The following GFRA1 variants were observed in gnomAD, a reference collection of about 807,000 sequenced individuals.
GFRA1 encodes GDNF family receptor alpha 1.
In GFRA1, 16 loss-of-function variants were observed where a neutral mutation model predicts 51.6. The ratio of observed to expected loss-of-function variants is 0.31; its 90% confidence interval spans 0.21 to 0.47. GFRA1 has a LOEUF of 0.47. Among genes scored for constraint, GFRA1 ranks in the 20% least tolerant of loss-of-function variants. The pLI, the probability that GFRA1 is intolerant of heterozygous loss-of-function variation, is 1.00. For missense variants in GFRA1, 530 were observed against 594.3 expected (o/e 0.89, Z 1.13); for synonymous variants, 270 against 241.3 (o/e 1.12, Z -1.10).
At chr10:116,195,929 A>G (rs1385850520) in intron 5 of GFRA1, among the ~76,000 whole-genome samples, 1 of 152,198 alleles carries the variant, frequency 6.6e-6, no homozygotes, top group East Asian at 1.9e-4. Context: ...AGATGAAGAC[A>G]ACAAATCCTA....
intron 7 of GFRA1, among the ~76,000 whole-genome samples, chr10:116,094,076 T>C (rs539812968): frequency 1.3e-5 from 2 of 152,322 alleles, no homozygotes; most frequent in South Asian, 2.1e-4. Context: ...ACTTAGGGTA[T>C]TCCTTCCTGC....
chr10:116,196,468 G>A (rs181464808), intron 5 of GFRA1, among the ~76,000 whole-genome samples: 273 of 145,786 alleles, frequency 1.9e-3, no homozygotes, highest in African/African-American at 6.5e-3. Context: ...CAGCCAGGGT[G>A]ATGGTGCGAG....
intron 4 of GFRA1, among the ~76,000 whole-genome samples, chr10:116,220,685 G>A (rs538782007): frequency 6.6e-6 from 1 of 152,262 alleles, no homozygotes; most frequent in South Asian, 2.1e-4. Context: ...GAGGAGCTTT[G>A]ATGATGTAAT....
chr10:116,082,480 T>G lies in GFRA1; in HGVS notation c.1197+7261A>C, dbSNP rs201067405. ...CCGCCCCTTGCTTTTGTTTTTTTTG[T>G]TTTTTTTTTGAGACGGACTTTTGCT... On this transcript the variant is annotated intron_variant, in intron 9 of 10. Coordinates refer to ENST00000355422, the MANE Select transcript of GFRA1 (RefSeq NM_005264.8). Among the ~76,000 whole-genome samples the G allele has an allele frequency of 1.4e-3, 103 of 71,460 alleles. No homozygotes were observed. The African/African-American group carries it at 0.024, about 17-fold the overall frequency. 46.9% of individuals were successfully genotyped at this position (71,460 alleles called of 152,430 possible). A position where few individuals can be genotyped will look rare whatever the true frequency, so the allele number is the denominator to read the frequency against.
At chr10:116,148,989 T>G (rs997672312) in intron 5 of GFRA1, among the ~76,000 whole-genome samples, 1 of 152,192 alleles carries the variant, frequency 6.6e-6, no homozygotes, top group Non-Finnish European at 1.5e-5. Context: ...AGGACTGTTG[T>G]ACACATTCAG....
At chr10:116,212,994 T>TA (rs1310830007) in intron 4 of GFRA1, among the ~76,000 whole-genome samples, 9 of 152,114 alleles carry the variant, frequency 5.9e-5, no homozygotes, top group African/African-American at 1.9e-4. Flanking sequence ...CTCAGTAACT[T>TA]AAAGACAAAA....
intron 5 of GFRA1, among the ~76,000 whole-genome samples, chr10:116,150,469 T>A (rs895149820): frequency 2.0e-5 from 3 of 152,186 alleles, no homozygotes; most frequent in African/African-American, 7.2e-5. Flanking sequence ...TCATAGGACA[T>A]GCCCCTCTGG....
rs905951791 is a variant in GFRA1 at position 116,271,182 on chromosome 10, G to C, written c.41-67C>G. On this transcript the variant is annotated intron_variant, in intron 2 of 10. Transcript: ENST00000355422. ...GACCCCGGCCGCCCCTGCTCCGGGC[G>C]AGGGCGCGCGCCCGGGTCAGGGATG... 22 of 1,400,842 alleles carry C rather than the reference G, an allele frequency of 1.6e-5. No individual in the cohort carries two copies. In the African/African-American group the frequency reaches 2.9e-4, roughly 18 times the overall value. 86.8% of individuals were successfully genotyped at this position (1,400,842 alleles called of 1,614,324 possible). A position where few individuals can be genotyped will look rare whatever the true frequency, so the allele number is the denominator to read the frequency against.
Position 116,063,918 on chromosome 10 carries a change from A to G in GFRA1, c.*480T>C, listed in dbSNP as rs1232304556. 1 of 172,326 alleles carries G rather than the reference A, an allele frequency of 5.8e-6. No homozygotes were observed. The allele number at this position is 172,326 out of a possible 1,614,324, so 10.7% of individuals were successfully genotyped here. ...CTTCTTTGTGGCAAAAAAGCTTGGC[A>G]TCAATGTAGGCTGAAATTTATATCA... is the stretch of plus-strand genomic sequence containing the variant. On this transcript the variant is annotated 3_prime_UTR_variant, in exon 11 of 11. Coordinates refer to ENST00000355422, the MANE Select transcript of GFRA1 (RefSeq NM_005264.8).
intron 5 of GFRA1, among the ~76,000 whole-genome samples, chr10:116,163,713 A>G (rs4751955): frequency 0.54 from 81,676 of 151,940 alleles, 21,962 homozygotes; most frequent in Middle Eastern, 0.62. Context: ...CCTTTTCAGA[A>G]TGGAATGCAC....
Position 116,271,912 on chromosome 10 carries a change from G to A in GFRA1, c.40+78C>T, listed in dbSNP as rs996112795. On this transcript the variant is annotated intron_variant, in intron 2 of 10. Transcript: ENST00000355422. The stretch of plus-strand genomic sequence containing the variant: ...ACACCCGCGCCCCAATTTTGGTGCG[G>A]AGGGCGGGGTGGGCTGCTGCAAGCG... The A allele has an allele frequency of 2.6e-6, 3 of 1,157,336 alleles. No individual in the cohort carries two copies. The Admixed American group carries it at 5.9e-5, about 23-fold the overall frequency. 71.7% of individuals were successfully genotyped at this position (1,157,336 alleles called of 1,614,324 possible).
chr10:116,121,946 T>A (rs1957664005), intron 6 of GFRA1, among the ~76,000 whole-genome samples: 1 of 152,132 alleles, frequency 6.6e-6, no homozygotes, highest in Admixed American at 6.5e-5. Flanking sequence ...TAATAAAATC[T>A]GATGGAAGCA....
intron 5 of GFRA1, among the ~76,000 whole-genome samples, chr10:116,144,542 T>A (rs1354290603): frequency 6.6e-6 from 1 of 152,042 alleles, no homozygotes; most frequent in African/African-American, 2.4e-5. Flanking sequence ...GATATAGATA[T>A]CATAATATAA....
At chr10:116,250,127 T>C (rs904025976) in intron 4 of GFRA1, among the ~76,000 whole-genome samples, 1 of 152,178 alleles carries the variant, frequency 6.6e-6, no homozygotes, top group African/African-American at 2.4e-5. Context: ...AGAGTGTCTT[T>C]AGATCTATGA....
At chr10:116,206,733 C>T (rs1009266327) in intron 5 of GFRA1, among the ~76,000 whole-genome samples, 4 of 148,596 alleles carry the variant, frequency 2.7e-5, no homozygotes, top group Non-Finnish European at 4.4e-5. Context: ...CCCGGGTTCA[C>T]GCCATTCTCC....
At chr10:116,199,512 C>G (rs1316492005) in intron 5 of GFRA1, among the ~76,000 whole-genome samples, 5 of 152,246 alleles carry the variant, frequency 3.3e-5, no homozygotes, top group Admixed American at 3.3e-4. Context: ...TACCCCCAGA[C>G]TCTACCACTA....
rs963578965 is a variant in GFRA1 at position 116,206,786 on chromosome 10, C to T, written c.433+4845G>A. ...TAGCTGGGACTACAGGCGCCTGCCA[C>T]GACGCCTGGCTAATTTTTTGTATTT... On this transcript the variant is annotated intron_variant, in intron 5 of 10. Transcript: ENST00000355422. Among the ~76,000 whole-genome samples, 4 of 151,452 alleles carry T rather than the reference C, an allele frequency of 2.6e-5. No homozygotes were observed. In the East Asian group the frequency reaches 7.8e-4, roughly 30 times the overall value.
intron 8 of GFRA1, among the ~76,000 whole-genome samples, chr10:116,091,394 A>C (rs1170254381): frequency 1.3e-5 from 2 of 152,318 alleles, no homozygotes; most frequent in South Asian, 4.1e-4. Context: ...GCAGTGAGAA[A>C]TGCTTGGAGA....
At chr10:116,101,547 TATA>T (rs1179389071) in intron 6 of GFRA1, among the ~76,000 whole-genome samples, 1 of 151,966 alleles carries the variant, frequency 6.6e-6, no homozygotes, top group African/African-American at 2.4e-5. Flanking sequence ...ATAGAAAAAT[TATA>T]ATAATAATAA....
Sources: allele counts gnomAD v4.1 joint callset (sites outside exome capture counted in the v4.1 genomes callset), GRCh38; gene constraint gnomAD v4.1.1; transcripts MANE v1.5; gene names NCBI Gene and HGNC (gene_info 2026-07-23, HGNC 2026-07-21).